LRRC8D: variants seen among roughly 807,000 people sequenced by gnomAD.
LRRC8D encodes the protein volume-regulated anion channel subunit LRRC8D.
LRRC8D carries 20 observed loss-of-function variants against 55.8 expected under a neutral mutation model. The ratio of observed to expected loss-of-function variants is 0.36; its 90% CI spans 0.25 to 0.52. The LOEUF (loss-of-function observed/expected upper bound fraction) is 0.52, where lower values mean the gene tolerates loss of function less well. LRRC8D is among the 20% of genes least tolerant of loss of function. The pLI is 0.93. For synonymous variants in LRRC8D, 352 were observed against 377.0 expected (o/e 0.93, Z 0.77); for missense variants, 651 against 1,030.8 (o/e 0.63, Z 5.05).
chr1:89,872,823 A>G (rs1662054746), intron 2 of LRRC8D, among the ~76,000 whole-genome samples: 1 of 152,138 alleles, frequency 6.6e-6, no homozygotes, highest in South Asian at 2.1e-4. Flanking sequence ...TAGACAGTAC[A>G]TGATTAGTAA....
intron 2 of LRRC8D, among the ~76,000 whole-genome samples, chr1:89,883,247 G>C (rs763014280): frequency 1.3e-5 from 2 of 151,444 alleles, no homozygotes; most frequent in Non-Finnish European, 2.9e-5. Context: ...TGTGTTAAGG[G>C]ACAGTATTTT....
At chr1:89,873,498 G>A (rs976663106) in intron 2 of LRRC8D, among the ~76,000 whole-genome samples, 1 of 152,134 alleles carries the variant, frequency 6.6e-6, no homozygotes, top group East Asian at 1.9e-4. Context: ...CCTTTCAGTG[G>A]CCTCTTCTTT....
chr1:89,890,252 A>G (rs1048121659), intron 2 of LRRC8D, among the ~76,000 whole-genome samples: 16 of 152,320 alleles, frequency 1.1e-4, no homozygotes, highest in African/African-American at 3.8e-4. Context: ...AGGAGAGGGC[A>G]GCATACCACA....
intron 2 of LRRC8D, among the ~76,000 whole-genome samples, chr1:89,919,390 C>T (rs1424595155): frequency 6.6e-6 from 1 of 152,042 alleles, no homozygotes; most frequent in East Asian, 1.9e-4. Flanking sequence ...TCTTTTGGTC[C>T]CAAAAAGTAA....
chr1:89,861,826 T>G (rs1661726617), intron 2 of LRRC8D, among the ~76,000 whole-genome samples: 1 of 152,230 alleles, frequency 6.6e-6, no homozygotes, highest in African/African-American at 2.4e-5. Context: ...TATTTTTTCT[T>G]CATCTAAGTT....
chr1:89,876,717 T>A (rs1000834598), intron 2 of LRRC8D, among the ~76,000 whole-genome samples: 1 of 152,228 alleles, frequency 6.6e-6, no homozygotes, highest in African/African-American at 2.4e-5. Flanking sequence ...CATAGCCACA[T>A]TCATTGGTTT....
At chr1:89,890,387 A>G (rs1423780550) in intron 2 of LRRC8D, among the ~76,000 whole-genome samples, 1 of 152,166 alleles carries the variant, frequency 6.6e-6, no homozygotes, top group Non-Finnish European at 1.5e-5. Flanking sequence ...TGTTCTCACT[A>G]CATTTTCCTG....
chr1:89,855,843 TAAAC>T (rs1391268073), intron 2 of LRRC8D, among the ~76,000 whole-genome samples: 1 of 152,192 alleles, frequency 6.6e-6, no homozygotes, highest in Non-Finnish European at 1.5e-5. Context: ...TTTCTCAAAA[TAAAC>T]TAAGTAGCCT....
intron 2 of LRRC8D, among the ~76,000 whole-genome samples, chr1:89,852,775 C>T (rs1661452629): frequency 6.6e-6 from 1 of 152,104 alleles, no homozygotes; most frequent in African/African-American, 2.4e-5. Context: ...AAAGGACAGA[C>T]TGAGGAAACA....
intron 2 of LRRC8D, among the ~76,000 whole-genome samples, chr1:89,870,407 C>T (rs1199997927): frequency 6.6e-6 from 1 of 151,822 alleles, no homozygotes; most frequent in Non-Finnish European, 1.5e-5. Flanking sequence ...ACCCGGGAGG[C>T]AGAGGTTGCA....
chr1:89,829,736 T>C (rs1459257157), intron 1 of LRRC8D, among the ~76,000 whole-genome samples: 1 of 152,228 alleles, frequency 6.6e-6, no homozygotes, highest in East Asian at 1.9e-4. Context: ...TCACCCCAAG[T>C]TGGTCTTAGA....
intron 2 of LRRC8D, among the ~76,000 whole-genome samples, chr1:89,887,045 G>T (rs1662436293): frequency 1.3e-5 from 2 of 151,920 alleles, no homozygotes; most frequent in Non-Finnish European, 2.9e-5. Flanking sequence ...TTTCTTAGAA[G>T]AAAAAAATGG....
intron 1 of LRRC8D, among the ~76,000 whole-genome samples, chr1:89,824,369 A>C (rs192915528): frequency 2.0e-5 from 3 of 152,290 alleles, no homozygotes; most frequent in Non-Finnish European, 2.9e-5. Context: ...GTTTGGAGGG[A>C]GATCATAGCA....
intron 2 of LRRC8D, among the ~76,000 whole-genome samples, chr1:89,856,961 T>TA (rs1661571119): frequency 1.3e-5 from 2 of 152,240 alleles, no homozygotes; most frequent in Admixed American, 6.5e-5. Context: ...ACTTTCTTTT[T>TA]AAAAAGGTTT....
chr1:89,866,613 ACTTTT>A (rs1458023004), intron 2 of LRRC8D, among the ~76,000 whole-genome samples: 1 of 152,046 alleles, frequency 6.6e-6, no homozygotes, highest in Non-Finnish European at 1.5e-5. Context: ...TTAGTTCTCT[ACTTTT>A]CTTTAGCCTT....
chr1:89,920,697 G>GA (rs555845776), intron 2 of LRRC8D, among the ~76,000 whole-genome samples: 4,370 of 113,146 alleles, frequency 0.039, 74 homozygotes, highest in Non-Finnish European at 0.055. Context: ...GGCCTATTGG[G>GA]AAAAAAAAAA....
chr1:89,890,166 C>T (rs1332014712), intron 2 of LRRC8D, among the ~76,000 whole-genome samples: 11 of 151,822 alleles, frequency 7.2e-5, no homozygotes, highest in African/African-American at 2.2e-4. Context: ...CTAGCCTGGG[C>T]GACAGAGCAA....
chr1:89,870,580 C>G (rs1661982979), intron 2 of LRRC8D, among the ~76,000 whole-genome samples: 1 of 152,026 alleles, frequency 6.6e-6, no homozygotes, highest in Non-Finnish European at 1.5e-5. Context: ...CTACAGATTT[C>G]CTATATTTTT....
intron 2 of LRRC8D, among the ~76,000 whole-genome samples, chr1:89,880,081 C>T (rs1435357606): frequency 2.6e-5 from 4 of 151,360 alleles, no homozygotes; most frequent in Non-Finnish European, 5.9e-5. Flanking sequence ...TATCTATGTG[C>T]TTTGCATGTC....
Sources: allele counts gnomAD v4.1 joint callset (sites outside exome capture counted in the v4.1 genomes callset), GRCh38; gene constraint gnomAD v4.1.1; transcripts MANE v1.5; gene names NCBI Gene and HGNC (gene_info 2026-07-23, HGNC 2026-07-21).